Variants in DGKB observed in about 807,000 individuals in gnomAD.
DGKB encodes the protein diacylglycerol kinase beta.
In DGKB, 67 loss-of-function variants were observed where a neutral mutation model predicts 114.3. That is an observed-to-expected ratio of 0.59 (90% CI 0.48 to 0.72). DGKB has a LOEUF of 0.72. Ranked by LOEUF, DGKB falls within the 30% of genes least tolerant of loss-of-function variation. The pLI is 0.00. For missense variants in DGKB, 907 were observed against 975.2 expected (o/e 0.93, Z 0.93); for synonymous variants, 398 against 323.1 (o/e 1.23, Z -2.49).
chr7:14,931,599 G>T, intron 1 of DGKB, among the ~76,000 whole-genome samples: 1 of 152,166 alleles, frequency 6.6e-6, no homozygotes, highest in East Asian at 1.9e-4. Context: ...TTGGAATGCG[G>T]AGGGTGGAAC....
At chr7:14,959,374 T>C (rs535704424) in intron 1 of DGKB, among the ~76,000 whole-genome samples, 1 of 146,076 alleles carries the variant, frequency 6.8e-6, no homozygotes, top group East Asian at 1.9e-4. Context: ...TTCAGTGAAA[T>C]AGAGTTTTTT....
At chr7:14,501,642 G>A (rs1017304651) in intron 20 of DGKB, among the ~76,000 whole-genome samples, 1 of 151,840 alleles carries the variant, frequency 6.6e-6, no homozygotes, top group Non-Finnish European at 1.5e-5. Flanking sequence ...CAAGAAACTG[G>A]CAATACGTGT....
At chr7:14,914,407 A>T (rs947414884) in intron 1 of DGKB, among the ~76,000 whole-genome samples, 7 of 152,206 alleles carry the variant, frequency 4.6e-5, no homozygotes, top group Non-Finnish European at 8.8e-5. Context: ...ACAGACTCTA[A>T]CTAAGAAGAA....
At chr7:14,230,319 CATG>C (rs1791517632) in intron 23 of DGKB, among the ~76,000 whole-genome samples, 2 of 151,760 alleles carry the variant, frequency 1.3e-5, no homozygotes, top group African/African-American at 4.8e-5. Flanking sequence ...TGCCTGAAAC[CATG>C]ATGTCAAAAT....
At chr7:14,802,873 A>G (rs1210571121) in intron 2 of DGKB, among the ~76,000 whole-genome samples, 2 of 152,148 alleles carry the variant, frequency 1.3e-5, no homozygotes, top group Non-Finnish European at 2.9e-5. Context: ...ATGTTCACAT[A>G]GAGAATGCTT....
chr7:14,640,691 T>A (rs1324180818), intron 13 of DGKB, among the ~76,000 whole-genome samples: 2 of 152,166 alleles, frequency 1.3e-5, no homozygotes, highest in African/African-American at 2.4e-5. Context: ...AATTGATGTG[T>A]GGACCAAAAG....
chr7:14,241,251 C>T (rs1793598253), intron 23 of DGKB, among the ~76,000 whole-genome samples: 1 of 152,090 alleles, frequency 6.6e-6, no homozygotes. Flanking sequence ...AACCAGCAGC[C>T]TAATTTACAT....
intron 20 of DGKB, among the ~76,000 whole-genome samples, chr7:14,496,556 A>G (rs1336753934): frequency 2.6e-5 from 4 of 151,808 alleles, no homozygotes; most frequent in African/African-American, 9.7e-5. Flanking sequence ...CACCTATTGT[A>G]TGCCAAACAC....
chr7:14,485,096 CCACACA>C (rs10563734), intron 20 of DGKB, among the ~76,000 whole-genome samples: 15,128 of 141,306 alleles, frequency 0.11, 922 homozygotes, highest in Admixed American at 0.16. Flanking sequence ...CACACACACA[CCACACA>C]CACACACACA....
chr7:14,957,154 C>A (rs1562903064), intron 1 of DGKB, among the ~76,000 whole-genome samples: 1 of 151,760 alleles, frequency 6.6e-6, no homozygotes, highest in Non-Finnish European at 1.5e-5. Context: ...AAAAAAAGGG[C>A]ATAAAAAATC....
intron 20 of DGKB, among the ~76,000 whole-genome samples, chr7:14,534,454 C>T (rs1355217381): frequency 2.0e-5 from 3 of 152,022 alleles, no homozygotes; most frequent in African/African-American, 7.2e-5. Context: ...CCTTAGCCAA[C>T]AATATTCACT....
At chr7:14,405,523 T>G (rs1823800646) in intron 21 of DGKB, among the ~76,000 whole-genome samples, 1 of 152,070 alleles carries the variant, frequency 6.6e-6, no homozygotes, top group Admixed American at 6.6e-5. Flanking sequence ...TATGCATTCA[T>G]TTTTTCTTTT....
At chr7:14,810,468 A>T (rs1421219086) in intron 2 of DGKB, among the ~76,000 whole-genome samples, 1 of 152,244 alleles carries the variant, frequency 6.6e-6, no homozygotes, top group Non-Finnish European at 1.5e-5. Flanking sequence ...TGTAGTAGCC[A>T]TATCAGAAAC....
At chr7:14,529,348 A>C (rs183482972) in intron 20 of DGKB, among the ~76,000 whole-genome samples, 2 of 152,028 alleles carry the variant, frequency 1.3e-5, no homozygotes, top group Admixed American at 6.6e-5. Flanking sequence ...AAAATCAACT[A>C]TTTTGTTGAG....
chr7:14,207,257 T>A (rs533790980), intron 23 of DGKB, among the ~76,000 whole-genome samples: 1 of 152,140 alleles, frequency 6.6e-6, no homozygotes, highest in Admixed American at 6.6e-5. Flanking sequence ...TCTATCAGAG[T>A]GTGAGTCATC....
chr7:14,951,222 T>C (rs1458291375), intron 1 of DGKB, among the ~76,000 whole-genome samples: 5 of 152,044 alleles, frequency 3.3e-5, no homozygotes, highest in Admixed American at 6.6e-5. Context: ...CCACTTCTAC[T>C]CCACACAAAA....
chr7:14,438,897 A>G (rs1829658918), intron 21 of DGKB, among the ~76,000 whole-genome samples: 1 of 152,038 alleles, frequency 6.6e-6, no homozygotes, highest in African/African-American at 2.4e-5. Context: ...TGACCTGAAT[A>G]TACTCCCTAA....
At chr7:14,803,234 A>G (rs1842402567) in intron 2 of DGKB, among the ~76,000 whole-genome samples, 2 of 152,058 alleles carry the variant, frequency 1.3e-5, no homozygotes, top group Non-Finnish European at 2.9e-5. Context: ...GAGTCACAGC[A>G]CCAGTCTTGA....
At chr7:14,718,498 C>A in intron 6 of DGKB, 44 bp downstream of exon 6, 1 of 1,563,266 alleles carries the variant, frequency 6.4e-7, no homozygotes, top group South Asian at 1.2e-5. Flanking sequence ...GTCCTTTCTC[C>A]TGCCCCCAAT....
Sources: gnomAD v4.1 joint callset for allele counts (sites outside exome capture counted in the v4.1 genomes callset) on GRCh38, gnomAD v4.1.1 for gene constraint, MANE v1.5 for transcripts, NCBI Gene and HGNC (gene_info 2026-07-23, HGNC 2026-07-21) for gene names.